BLTP1: variants seen among roughly 807,000 people sequenced by gnomAD.
The protein encoded by BLTP1 is fragile site-associated protein.
the BLTP1 span, chr4:122,277,000 T>A: frequency 1.0e-6 from 1 of 983,876 alleles, no homozygotes; most frequent in Non-Finnish European, 1.2e-6. Context: ...TGGCCTGTAA[T>A]TAATATGAAA....
chr4:122,209,243 C>A, the BLTP1 span: 3 of 1,613,030 alleles, frequency 1.9e-6, no homozygotes, highest in Non-Finnish European at 2.5e-6. Flanking sequence ...AAATTGCCAT[C>A]CAAATAAGAT....
chr4:122,245,444 G>A, the BLTP1 span, among the ~76,000 whole-genome samples: 1 of 151,998 alleles, frequency 6.6e-6, no homozygotes, highest in Non-Finnish European at 1.5e-5. Flanking sequence ...TATTCTTTAG[G>A]ACTGACACCT....
the BLTP1 span, among the ~76,000 whole-genome samples, chr4:122,210,534 A>G: frequency 6.6e-6 from 1 of 152,182 alleles, no homozygotes; most frequent in South Asian, 2.1e-4. Context: ...ATAGCTATTT[A>G]TATGAAAAAA....
At chr4:122,347,897 GTC>G in the BLTP1 span, 1 of 451,322 alleles carries the variant, frequency 2.2e-6, no homozygotes, top group South Asian at 7.4e-5. Flanking sequence ...TTTATGACAC[GTC>G]AAAAAAAAAA....
chr4:122,336,260 C>G, the BLTP1 span: 1 of 1,611,708 alleles, frequency 6.2e-7, no homozygotes, highest in Non-Finnish European at 8.5e-7. Flanking sequence ...TCAGTCATTG[C>G]CAGAAGAAAT....
At chr4:122,347,845 C>G in the BLTP1 span, 1 of 1,120,604 alleles carries the variant, frequency 8.9e-7, no homozygotes, top group Non-Finnish European at 1.3e-6. Context: ...TAGTTACTCT[C>G]AGATTTCAGC....
the BLTP1 span, among the ~76,000 whole-genome samples, chr4:122,213,003 G>A: frequency 0.05 from 7,586 of 152,096 alleles, 272 homozygotes; most frequent in Non-Finnish European, 0.075. Flanking sequence ...CCTTTTATAA[G>A]GAATTTGTGC....
At chr4:122,189,380 T>C in the BLTP1 span, 5 of 983,650 alleles carry the variant, frequency 5.1e-6, no homozygotes, top group Admixed American at 1.8e-4. Context: ...TGGGAAATTA[T>C]TGATGGTAGA....
At chr4:122,173,522 C>T in the BLTP1 span, among the ~76,000 whole-genome samples, 1 of 152,150 alleles carries the variant, frequency 6.6e-6, no homozygotes, top group Non-Finnish European at 1.5e-5. Context: ...AGATTTCCCA[C>T]CCTTCTAACA....
chr4:122,305,869 T>C, the BLTP1 span: 2 of 1,567,582 alleles, frequency 1.3e-6, no homozygotes, highest in East Asian at 4.5e-5. Flanking sequence ...CTTTAAATTT[T>C]ATTTTAGGTT....
chr4:122,279,334 C>A, the BLTP1 span, among the ~76,000 whole-genome samples: 1 of 152,160 alleles, frequency 6.6e-6, no homozygotes, highest in African/African-American at 2.4e-5. Context: ...CTGTGGGCTT[C>A]ATCAACATTG....
chr4:122,358,399 AAG>A, the BLTP1 span, among the ~76,000 whole-genome samples: 1 of 152,208 alleles, frequency 6.6e-6, no homozygotes, highest in Non-Finnish European at 1.5e-5. Flanking sequence ...TCAATGGGAA[AAG>A]GGGGTGGATT....
the BLTP1 span, chr4:122,208,588 T>C: frequency 1.0e-6 from 1 of 973,958 alleles, no homozygotes; most frequent in Non-Finnish European, 1.2e-6. Context: ...TTTTAAAAAC[T>C]GAACTTAAAA....
chr4:122,170,436 C>T, the BLTP1 span: 1 of 970,306 alleles, frequency 1.0e-6, no homozygotes, highest in African/African-American at 1.8e-5. Flanking sequence ...GATCCATTCT[C>T]TTACATTTTA....
At chr4:122,226,630 TC>T in the BLTP1 span, 4 of 1,579,902 alleles carry the variant, frequency 2.5e-6, no homozygotes, top group African/African-American at 5.5e-5. Context: ...ACGTTAACAT[TC>T]TTCAGAAGCT....
At chr4:122,250,397 T>C in the BLTP1 span, 1 of 1,613,270 alleles carries the variant, frequency 6.2e-7, no homozygotes, top group Non-Finnish European at 8.5e-7. Flanking sequence ...ATATAACAGT[T>C]TTGGAATTAT....
chr4:122,164,488 T>A, the BLTP1 span: 1 of 880,256 alleles, frequency 1.1e-6, no homozygotes, highest in Non-Finnish European at 1.4e-6. Context: ...TTGGCAGGAA[T>A]ATCACAGAAG....
chr4:122,153,115 T>C, the BLTP1 span: 3 of 807,588 alleles, frequency 3.7e-6, no homozygotes, highest in South Asian at 1.7e-4. Flanking sequence ...CAAAGGAAGG[T>C]GAAGAGAAGT....
chr4:122,326,945 A>G, the BLTP1 span, among the ~76,000 whole-genome samples: 1 of 151,740 alleles, frequency 6.6e-6, no homozygotes, highest in Admixed American at 6.6e-5. Flanking sequence ...TTTTCAATGT[A>G]GGACTTAACT....
Sources: allele counts gnomAD v4.1 joint callset (sites outside exome capture counted in the v4.1 genomes callset), GRCh38; gene constraint gnomAD v4.1.1; transcripts MANE v1.5; gene names NCBI Gene and HGNC (gene_info 2026-07-23, HGNC 2026-07-21).